EZH1: variants seen among roughly 807,000 people sequenced by gnomAD.
EZH1 encodes enhancer of zeste 1 polycomb repressive complex 2 subunit.
EZH1 carries 33 observed loss-of-function variants against 100.5 expected under a neutral mutation model. The observed-to-expected ratio is 0.33, with a 90% confidence interval of 0.25 to 0.44. The LOEUF (loss-of-function observed/expected upper bound fraction) is 0.44. EZH1 is among the 20% of genes least tolerant of loss of function. The pLI is 1.00. For missense variants in EZH1, 475 were observed against 928.4 expected (o/e 0.51, Z 6.35); for synonymous variants, 272 against 313.8 (o/e 0.87, Z 1.41).
chr17:42,709,089 C>G (rs1381125833), intron 13 of EZH1, 173 bp from the exon 14 acceptor site: 6 of 662,980 alleles, frequency 9.1e-6, no homozygotes, highest in Non-Finnish European at 1.6e-5. Flanking sequence ...CATCCTAAAT[C>G]CAGCTGGCCT....
Position 42,703,837 on chromosome 17 carries a change from A to G in EZH1, c.2018-17T>C, listed in dbSNP as rs372794460. The G allele has an allele frequency of 1.9e-6, 3 of 1,587,848 alleles. No individual in the cohort carries two copies. Among genetic ancestry groups the G allele is most frequent in the Middle Eastern group, 1.7e-4 (1 of 6,010 alleles). The stretch of plus-strand genomic sequence containing the variant: ...CTACAAAATCTGTATAAAGTAAATC[A>G]AGGAAAACCATAAGCACAGCAGGCA... On this transcript the variant is annotated splice_polypyrimidine_tract_variant and intron_variant, in intron 18 of 20. Coordinates refer to ENST00000428826, the MANE Select transcript of EZH1 (RefSeq NM_001991.5).
chr17:42,701,387 A>C lies in EZH1; in HGVS notation c.*1145T>G, dbSNP rs982791871. ...GTCTACCTGCTTCTTCTCCCACTTCAGATACCCTCTGCCAGTGTGCCCTGC... is the reference window on the plus strand; with the variant it reads ...GTCTACCTGCTTCTTCTCCCACTTCCGATACCCTCTGCCAGTGTGCCCTGC... On this transcript the variant is annotated 3_prime_UTR_variant, in exon 21 of 21. Transcript: ENST00000428826. 6.5e-6 allele frequency: 1 copy of C among 152,902 alleles called. No individual in the cohort carries two copies. Among genetic ancestry groups the C allele is most frequent in the Non-Finnish European group, 1.5e-5 (1 of 68,118 alleles). 9.5% of individuals were successfully genotyped at this position (152,902 alleles called of 1,614,324 possible).
Position 42,708,024 on chromosome 17 carries a change from C to T in EZH1, c.1594G>A (p.Asp532Asn). 6.2e-7 allele frequency: 1 copy of T among 1,612,666 alleles called. No homozygotes were observed. The highest frequency in any genetic ancestry group is 8.5e-7 in the Non-Finnish European group (1 of 1,179,626). The change falls in exon 15 of 21, where the codon GAC becomes AAC. Residue 532 changes from aspartate to asparagine, a missense_variant. By Grantham distance (23) the Asp-to-Asn change is conservative. Transcript: ENST00000428826. ...QPCDHPDRPC[D>N]STCPCIMTQN... ...GTCATGATGCAGGGGCAGGTGCTGT[C>T]ACAGGGGCGGTCTGGGTGGTCGCAG...
At chr17:42,734,756 G>A (rs2054032836) in intron 1 of EZH1, among the ~76,000 whole-genome samples, 1 of 151,998 alleles carries the variant, frequency 6.6e-6, no homozygotes, top group Non-Finnish European at 1.5e-5. Context: ...TACTTTGGGA[G>A]GCCAAGGTGG....
At chr17:42,731,880 A>G (rs745754697) in intron 1 of EZH1, 12 of 152,550 alleles carry the variant, frequency 7.9e-5, no homozygotes, top group Non-Finnish European at 1.2e-4. Context: ...GGCCTGGGCA[A>G]CAAGAGTGAG....
At chr17:42,739,460 A>G (rs2054133568) in intron 1 of EZH1, among the ~76,000 whole-genome samples, 1 of 152,264 alleles carries the variant, frequency 6.6e-6, no homozygotes, top group Admixed American at 6.5e-5. Flanking sequence ...AGCTGGGTGC[A>G]GTAGCTCACA....
At chr17:42,744,872 C>T (rs2054251040) in intron 1 of EZH1, 139 bp downstream of exon 1, 2 of 925,968 alleles carry the variant, frequency 2.2e-6, no homozygotes, top group East Asian at 2.2e-4. Context: ...GCGCCTGCTA[C>T]CCCCGGCCAG....
At chr17:42,735,740 C>A (rs1441842123) in intron 1 of EZH1, among the ~76,000 whole-genome samples, 2 of 152,196 alleles carry the variant, frequency 1.3e-5, no homozygotes, top group African/African-American at 2.4e-5. Context: ...GTAATCCCAG[C>A]ACTTTGGGAG....
intron 6 of EZH1, 78 bp downstream of exon 6, chr17:42,722,717 A>G (rs2053739150): frequency 1.4e-6 from 2 of 1,472,120 alleles, no homozygotes; most frequent in Non-Finnish European, 1.8e-6. Flanking sequence ...AGATAAAAGC[A>G]AGATGGCAAG....
chr17:42,702,453 A>C lies in EZH1; in HGVS notation c.*79T>G. 2 of 1,216,074 alleles carry C rather than the reference A, an allele frequency of 1.6e-6. No homozygotes were observed. The highest frequency in any genetic ancestry group is 2.3e-6 in the Non-Finnish European group (2 of 853,124). The allele number at this position is 1,216,074 out of a possible 1,614,324, so 75.3% of individuals were successfully genotyped here. ...CTCAGTGTGGGAGACACAGTGCAGG[A>C]GACTCGAGCAGCAGTGGTGTGAGCA... is the stretch of plus-strand genomic sequence containing the variant. On this transcript the variant is annotated 3_prime_UTR_variant, in exon 21 of 21. Transcript: ENST00000428826.
Position 42,702,915 on chromosome 17 carries a change from C to T in EZH1, c.2145G>A (p.Arg715=), listed in dbSNP as rs894773403. 16 of 1,614,102 alleles carry T rather than the reference C, an allele frequency of 9.9e-6. No individual in the cohort carries two copies. Among genetic ancestry groups the T allele is most frequent in the Non-Finnish European group, 1.4e-5 (16 of 1,180,026 alleles). ...GDHRIGIFAK[R]AIQAGEELFF... The stretch of plus-strand genomic sequence containing the variant: ...AGAGCTCTTCGCCAGCTTGAATTGC[C>T]CTCTTGGCAAAGATCCCAATCCGAT... Residue 715 remains arginine (R), a synonymous_variant, in exon 20 of 21, where the codon AGG becomes AGA. Transcript: ENST00000428826.
At chr17:42,744,111 A>T (rs987629390) in intron 1 of EZH1, among the ~76,000 whole-genome samples, 1 of 152,068 alleles carries the variant, frequency 6.6e-6, no homozygotes, top group African/African-American at 2.4e-5. Flanking sequence ...GCTACATCAC[A>T]TACAACCCTG....
intron 4 of EZH1, 67 bp from the exon 5 acceptor site, chr17:42,724,491 C>T: frequency 1.3e-6 from 2 of 1,581,570 alleles, no homozygotes; most frequent in South Asian, 2.2e-5. Flanking sequence ...AATGTAATTT[C>T]CTTCCAAAAT....
chr17:42,714,011 T>C (rs145617960), intron 10 of EZH1, among the ~76,000 whole-genome samples: 4 of 152,300 alleles, frequency 2.6e-5, no homozygotes, highest in Non-Finnish European at 4.4e-5. Context: ...CTACCACACT[T>C]TCTCTGTTTC....
intron 6 of EZH1, among the ~76,000 whole-genome samples, chr17:42,722,362 C>A (rs1189327640): frequency 1.3e-5 from 2 of 151,574 alleles, no homozygotes; most frequent in Non-Finnish European, 2.9e-5. Context: ...TGGTGGCTCA[C>A]GCCTATAATC....
intron 5 of EZH1, 24 bp downstream of exon 5, chr17:42,724,281 C>A: frequency 6.2e-7 from 1 of 1,612,490 alleles, no homozygotes; most frequent in South Asian, 1.1e-5. Flanking sequence ...TTTAAATAAC[C>A]ACCACAGTGC....
chr17:42,739,250 CAGTT>C (rs919724894), intron 1 of EZH1, among the ~76,000 whole-genome samples: 6 of 152,122 alleles, frequency 3.9e-5, no homozygotes, highest in Non-Finnish European at 2.9e-5. Context: ...CCTGATCTCT[CAGTT>C]AGGATCTATA....
chr17:42,729,574 C>CAA (rs71157667), intron 2 of EZH1, among the ~76,000 whole-genome samples: 8 of 137,944 alleles, frequency 5.8e-5, no homozygotes, highest in Non-Finnish European at 9.4e-5. Flanking sequence ...ACTAAAAATA[C>CAA]AAAAAAAAAA....
intron 4 of EZH1, 115 bp from the exon 5 acceptor site, chr17:42,724,539 CT>C: frequency 7.9e-7 from 1 of 1,266,004 alleles, no homozygotes; most frequent in Admixed American, 2.0e-5. Flanking sequence ...AATCCCAGCA[CT>C]TTGGGAGGCC....
Sources: allele counts gnomAD v4.1 joint callset (sites outside exome capture counted in the v4.1 genomes callset), GRCh38; gene constraint gnomAD v4.1.1; transcripts MANE v1.5; gene names NCBI Gene and HGNC (gene_info 2026-07-23, HGNC 2026-07-21).